EIF3H: variants seen among roughly 807,000 people sequenced by gnomAD.
EIF3H encodes the protein eukaryotic translation initiation factor 3 subunit H, also known as eIF-3-gamma.
EIF3H carries 26 observed loss-of-function variants against 44.2 expected under a neutral mutation model. The observed-to-expected ratio is 0.59, with a 90% confidence interval of 0.43 to 0.82. EIF3H has a LOEUF of 0.82. Among genes scored for constraint, EIF3H ranks in the 40% least tolerant of loss-of-function variants. The probability of loss-of-function intolerance (pLI) is 0.00; values close to 1 mark genes in which losing one functional copy is unlikely to be tolerated. For synonymous variants in EIF3H, 166 were observed against 151.9 expected, an observed-to-expected ratio of 1.09 and a Z score of -0.68; for missense variants, 359 against 432.8, an observed-to-expected ratio of 0.83 and a Z score of 1.51.
chr8:116,692,971 G>A (rs1405488534), intron 2 of EIF3H, among the ~76,000 whole-genome samples: 1 of 151,884 alleles, frequency 6.6e-6, no homozygotes, highest in Non-Finnish European at 1.5e-5. Context: ...TTCCACTTGG[G>A]AATAAAATGG....
At chr8:116,739,950 TA>T (rs1412346385) in intron 1 of EIF3H, among the ~76,000 whole-genome samples, 1 of 151,738 alleles carries the variant, frequency 6.6e-6, no homozygotes, top group Non-Finnish European at 1.5e-5. Flanking sequence ...AACACTTTAG[TA>T]AAATACAATA....
At chr8:116,667,968 A>G (rs1813695535) in intron 2 of EIF3H, among the ~76,000 whole-genome samples, 1 of 152,196 alleles carries the variant, frequency 6.6e-6, no homozygotes, top group Non-Finnish European at 1.5e-5. Context: ...TTTAATGAGC[A>G]TTTTCAAAAG....
chr8:116,646,428 GAA>G (rs1430631747), intron 7 of EIF3H, 41 bp downstream of exon 7: 1 of 1,613,394 alleles, frequency 6.2e-7, no homozygotes, highest in Non-Finnish European at 8.5e-7. Context: ...TGCTTCCTAA[GAA>G]ACGAACAAAA....
rs2118108 is a variant in EIF3H, at chr8:116,642,534, G to C, written c.*2472C>G. 6.6e-6 allele frequency: 1 copy of C among 151,926 alleles called. No individual in the cohort carries two copies. The highest frequency in any genetic ancestry group is 1.5e-5 in the Non-Finnish European group (1 of 68,030). 9.4% of individuals were successfully genotyped at this position (151,926 alleles called of 1,614,324 possible). A position where few individuals can be genotyped will look rare whatever the true frequency, so the allele number is the denominator to read the frequency against. On this transcript the variant is annotated 3_prime_UTR_variant, in exon 8 of 8. Coordinates refer to ENST00000521861, the MANE Select transcript of EIF3H (RefSeq NM_003756.3). ...ATTATTAGATTATTATCAATGATTA[G>C]AAAGTTAATGTCAAATATCTTCTAC...
chr8:116,672,516 G>A (rs183256138), intron 2 of EIF3H, among the ~76,000 whole-genome samples: 75 of 152,138 alleles, frequency 4.9e-4, no homozygotes, highest in African/African-American at 1.6e-3. Flanking sequence ...AGGAGAAGGA[G>A]GTATTCAGGA....
chr8:116,706,685 C>A (rs1337178968), intron 2 of EIF3H, among the ~76,000 whole-genome samples: 3 of 152,142 alleles, frequency 2.0e-5, no homozygotes, highest in Non-Finnish European at 4.4e-5. Context: ...CAGGCGAATG[C>A]CACCACACCT....
intron 1 of EIF3H, among the ~76,000 whole-genome samples, chr8:116,750,248 T>A (rs900308691): frequency 2.0e-5 from 3 of 152,376 alleles, no homozygotes; most frequent in South Asian, 2.1e-4. Context: ...GGAGAATTTT[T>A]AAAAAAACAG....
intron 2 of EIF3H, among the ~76,000 whole-genome samples, chr8:116,685,098 A>T (rs573891782): frequency 6.6e-6 from 1 of 152,304 alleles, no homozygotes; most frequent in Non-Finnish European, 1.5e-5. Flanking sequence ...ATATTATGCA[A>T]ATCACTCCGT....
At chr8:116,755,556 G>T in intron 1 of EIF3H, 110 bp downstream of exon 1, 1 of 1,447,066 alleles carries the variant, frequency 6.9e-7, no homozygotes, top group Non-Finnish European at 9.3e-7. Flanking sequence ...GAAAAACTTT[G>T]GCCCAGCCAC....
chr8:116,739,101 A>G (rs1815087960), intron 1 of EIF3H, among the ~76,000 whole-genome samples: 1 of 152,212 alleles, frequency 6.6e-6, no homozygotes, highest in Non-Finnish European at 1.5e-5. Flanking sequence ...GAATAAGAGC[A>G]AGGAACACCT....
At chr8:116,739,534 C>G (rs1460789559) in intron 1 of EIF3H, among the ~76,000 whole-genome samples, 1 of 152,204 alleles carries the variant, frequency 6.6e-6, no homozygotes, top group Non-Finnish European at 1.5e-5. Context: ...CCTGCAGTCC[C>G]AGCTACTCGG....
At chr8:116,697,069 T>G (rs56998977) in intron 2 of EIF3H, 10,640 of 456,084 alleles carry the variant, frequency 0.023, 926 homozygotes, top group African/African-American at 0.19. Flanking sequence ...AGCTGGGATC[T>G]CTCTCCTGAG....
chr8:116,711,300 A>G (rs1185080305), intron 2 of EIF3H, among the ~76,000 whole-genome samples: 2 of 152,210 alleles, frequency 1.3e-5, no homozygotes, highest in East Asian at 1.9e-4. Context: ...CCATTTTATC[A>G]ACAGAGAAAA....
intron 2 of EIF3H, among the ~76,000 whole-genome samples, chr8:116,722,916 A>G (rs1173804966): frequency 6.6e-6 from 1 of 152,230 alleles, no homozygotes; most frequent in Non-Finnish European, 1.5e-5. Context: ...GAAAATAAAG[A>G]GCTTGTAGAA....
chr8:116,764,811 G>A (rs1488575850), intron 1 of EIF3H, among the ~76,000 whole-genome samples: 1 of 152,186 alleles, frequency 6.6e-6, no homozygotes, highest in African/African-American at 2.4e-5. Context: ...GAGCCACCAT[G>A]CCCGGCCGAA....
At chr8:116,664,273 T>C (rs1028311728) in intron 2 of EIF3H, among the ~76,000 whole-genome samples, 2 of 152,192 alleles carry the variant, frequency 1.3e-5, no homozygotes, top group Non-Finnish European at 2.9e-5. Flanking sequence ...CCAACAACTA[T>C]CCCTTTCAAA....
chr8:116,666,986 C>T lies in EIF3H; in HGVS notation c.290-8006G>A, dbSNP rs114755935. 4.0e-3 allele frequency among the ~76,000 whole-genome samples: 616 copies of T among 152,240 alleles called. 6 individuals are homozygous for T. Among genetic ancestry groups the T allele is most frequent in the African/African-American group, 0.014 (571 of 41,548 alleles). On this transcript the variant is annotated intron_variant, in intron 2 of 7. Coordinates refer to ENST00000521861, the MANE Select transcript of EIF3H (RefSeq NM_003756.3). ...GCATACACCTGTGTGCATGTGTACA[C>T]GCTCTGCCCCATTCACAAAGGACTT...
In EIF3H at chr8:116,706,313, T is replaced by C. The variant is rs77840715; in HGVS notation, c.289+19703A>G. 4.0e-3 allele frequency among the ~76,000 whole-genome samples: 611 copies of C among 152,308 alleles called. 28 individuals carry two copies. The East Asian group carries it at 0.1, about 26-fold the overall frequency. On this transcript the variant is annotated intron_variant, in intron 2 of 7. Coordinates refer to ENST00000521861, the MANE Select transcript of EIF3H (RefSeq NM_003756.3). ...GACAGATTAACCTTCTGAAAGTTCC[T>C]GAACAATGTCAAGCTCATTCCCACC...
intron 2 of EIF3H, among the ~76,000 whole-genome samples, chr8:116,672,661 A>C (rs910879502): frequency 6.6e-6 from 1 of 152,044 alleles, no homozygotes; most frequent in African/African-American, 2.4e-5. Context: ...AAAAAACTTG[A>C]AACAGTGGTC....
Sources: gnomAD v4.1 joint callset for allele counts (sites outside exome capture counted in the v4.1 genomes callset) on GRCh38, gnomAD v4.1.1 for gene constraint, MANE v1.5 for transcripts, NCBI Gene and HGNC (gene_info 2026-07-23, HGNC 2026-07-21) for gene names.